MALT1: variants seen among roughly 807,000 people sequenced by gnomAD.
MALT1 encodes the protein MALT1 paracaspase, also known as mucosa-associated lymphoid tissue lymphoma translocation protein 1.
MALT1 carries 36 observed loss-of-function variants against 85.5 expected under a neutral mutation model. That is an observed-to-expected ratio of 0.42 (90% CI 0.32 to 0.56). The LOEUF is 0.56. Among genes scored for constraint, MALT1 ranks in the 20% least tolerant of loss-of-function variants. The probability of loss-of-function intolerance (pLI) is 0.10; values close to 1 mark genes in which losing one functional copy is unlikely to be tolerated. For synonymous variants in MALT1, 359 were observed against 361.3 expected, an observed-to-expected ratio of 0.99 and a Z score of 0.07; for missense variants, 716 against 981.6, an observed-to-expected ratio of 0.73 and a Z score of 3.62.
intron 2 of MALT1, chr18:58,690,495 G>T: frequency 5.8e-6 from 1 of 173,596 alleles, no homozygotes; most frequent in South Asian, 1.6e-4. Flanking sequence ...CCCCTGGATG[G>T]AGTGTACGAG....
intron 10 of MALT1, among the ~76,000 whole-genome samples, chr18:58,731,332 A>G (rs530718076): frequency 1.3e-5 from 2 of 152,212 alleles, no homozygotes; most frequent in South Asian, 2.1e-4. Context: ...ATGATTTGCA[A>G]ATATTTTCTC....
intron 10 of MALT1, among the ~76,000 whole-genome samples, chr18:58,728,006 C>T (rs182416533): frequency 2.5e-4 from 38 of 152,178 alleles, no homozygotes; most frequent in African/African-American, 8.7e-4. Context: ...GCTGGGGTGG[C>T]GGGTGTTGTG....
intron 2 of MALT1, chr18:58,690,642 C>T: frequency 6.1e-6 from 1 of 163,940 alleles, no homozygotes; most frequent in South Asian, 1.8e-4. Flanking sequence ...CCCTGGGACC[C>T]TGGCTCGAAG....
Position 58,752,718 on chromosome 18 carries a change from T to C in MALT1, c.*4876T>C, listed in dbSNP as rs1259551392. 1 of 152,182 alleles carries C rather than the reference T, an allele frequency of 6.6e-6. No homozygotes were observed. Among genetic ancestry groups the C allele is most frequent in the Admixed American group, 6.5e-5 (1 of 15,278 alleles). 9.4% of individuals were successfully genotyped at this position (152,182 alleles called of 1,614,324 possible). A position where few individuals can be genotyped will look rare whatever the true frequency, so the allele number is the denominator to read the frequency against. ...AGGAGGCTGAAGTGGGACGATCGCT[T>C]GAGCCCAGAAGGCAGAGGTTACGGT... On this transcript the variant is annotated 3_prime_UTR_variant, in exon 17 of 17. Coordinates refer to ENST00000649217, the MANE Select transcript of MALT1 (RefSeq NM_006785.4).
chr18:58,722,125 T>G (rs1380748464), intron 9 of MALT1, among the ~76,000 whole-genome samples: 2 of 151,838 alleles, frequency 1.3e-5, no homozygotes, highest in Non-Finnish European at 2.9e-5. Flanking sequence ...TTTTTTATTT[T>G]TTTCTTCCCT....
intron 1 of MALT1, among the ~76,000 whole-genome samples, chr18:58,676,303 G>A (rs1256230235): frequency 6.6e-6 from 1 of 152,072 alleles, no homozygotes; most frequent in South Asian, 2.1e-4. Flanking sequence ...GGCCAGGGTG[G>A]GAGGATTACT....
rs2055181516 is a variant in MALT1 at position 58,733,447 on chromosome 18, A to G, written c.1273A>G (p.Met425Val). The G allele has an allele frequency of 6.8e-6, 11 of 1,613,510 alleles. No homozygotes were observed. The highest frequency in any genetic ancestry group is 1.3e-5 in the African/African-American group (1 of 75,020). The change falls in exon 11 of 17, where the codon ATG becomes GTG. Residue 425 changes from methionine (M) to valine (V), a missense_variant. Physicochemically the swap from Met to Val is conservative, Grantham distance 21 (BLOSUM62 1). Transcript: ENST00000649217. ...TTATGAAAATTTTGGGAACAGCTTC[A>G]TGGTCCCCGTTGATGCTCCAAATCC... ...HGYENFGNSF[M>V]VPVDAPNPYR...
intron 2 of MALT1, among the ~76,000 whole-genome samples, chr18:58,683,202 C>T (rs570743460): frequency 1.3e-5 from 2 of 152,272 alleles, no homozygotes; most frequent in Non-Finnish European, 2.9e-5. Context: ...AGTCTCATAC[C>T]TAGTAAAGTC....
chr18:58,677,607 T>C (rs2054260311), intron 1 of MALT1: 1 of 152,210 alleles, frequency 6.6e-6, no homozygotes, highest in Non-Finnish European at 1.5e-5. Context: ...TCTGTCATCA[T>C]AGTCACCATT....
intron 2 of MALT1, among the ~76,000 whole-genome samples, chr18:58,684,794 GAGA>G (rs953242518): frequency 2.4e-4 from 37 of 152,226 alleles, no homozygotes; most frequent in African/African-American, 8.7e-4. Context: ...AAGAATTACA[GAGA>G]AGAATTTTAA....
At chr18:58,739,333 G>A (rs181631912) in intron 13 of MALT1, among the ~76,000 whole-genome samples, 2 of 152,170 alleles carry the variant, frequency 1.3e-5, no homozygotes, top group Admixed American at 6.5e-5. Flanking sequence ...AGTATTTAGT[G>A]GTATCAGTGT....
chr18:58,735,692 G>T (rs1318658826), intron 13 of MALT1, among the ~76,000 whole-genome samples: 1 of 152,042 alleles, frequency 6.6e-6, no homozygotes, highest in South Asian at 2.1e-4. Flanking sequence ...GGCATGGAGG[G>T]GTGGTGGGGA....
At chr18:58,699,753 G>A (rs2054644629) in intron 3 of MALT1, among the ~76,000 whole-genome samples, 1 of 152,208 alleles carries the variant, frequency 6.6e-6, no homozygotes, top group African/African-American at 2.4e-5. Flanking sequence ...TAAGCCCCTT[G>A]GCAATGTGCC....
Position 58,681,187 on chromosome 18 carries a change from A to G in MALT1, c.227A>G (p.Gln76Arg). The change falls in exon 2 of 17, where the codon CAG becomes CGG. Residue 76 changes from glutamine (Q) to arginine (R), a missense_variant. Gln to Arg is a conservative substitution (Grantham distance 43, BLOSUM62 1). Transcript: ENST00000649217. ...RLRLSCLDLE[Q>R]CSLKVLEPEG... ...GCTTTCAGTTGCCTAGACCTGGAGC[A>G]GTGTTCTCTTAAGGTACTGGAGCCT... is the stretch of plus-strand genomic sequence containing the variant. 1 of 1,613,798 alleles carries G rather than the reference A, an allele frequency of 6.2e-7. No individual in the cohort carries two copies. The highest frequency in any genetic ancestry group is 1.1e-5 in the South Asian group (1 of 90,988).
At chr18:58,686,987 G>C (rs977799145) in intron 2 of MALT1, among the ~76,000 whole-genome samples, 2 of 152,146 alleles carry the variant, frequency 1.3e-5, no homozygotes, top group African/African-American at 4.8e-5. Flanking sequence ...ACCCTGACCT[G>C]AACTCAATAC....
Position 58,709,474 on chromosome 18 carries a change from T to C in MALT1, c.746T>C (p.Val249Ala). 1.9e-6 allele frequency: 3 copies of C among 1,613,396 alleles called. No individual in the cohort carries two copies. Among genetic ancestry groups the C allele is most frequent in the Non-Finnish European group, 2.5e-6 (3 of 1,179,570 alleles). Residue 249 changes from valine (V) to alanine (A), a missense_variant, in exon 5 of 17, where the codon GTT (valine) becomes GCT (alanine). Val to Ala is a moderately conservative substitution (Grantham distance 64). This residue lies in a region of MALT1 where 290 missense variants were observed against 380.5 expected (regional missense o/e 0.76). Coordinates refer to ENST00000649217, the MANE Select transcript of MALT1 (RefSeq NM_006785.4). Reference sequence around the variant, plus strand: ...GGCAGCACATTGGTTTTACAGTGTGTTGCTGTTGGAAGCCCTATTCCTCAC... The same window carrying C: ...GGCAGCACATTGGTTTTACAGTGTGCTGCTGTTGGAAGCCCTATTCCTCAC... ...MPGSTLVLQCVAVGSPIPHYQ... is the reference protein window; with the variant it reads ...MPGSTLVLQCAAVGSPIPHYQ...
Position 58,671,585 on chromosome 18 carries a change from C to T in MALT1, c.-59C>T. On this transcript the variant is annotated 5_prime_UTR_variant, in exon 1 of 17. Coordinates refer to ENST00000649217, the MANE Select transcript of MALT1 (RefSeq NM_006785.4). ...GAGGCGAGCGGAAGGTGCCCCGGGG[C>T]CGAGGCCCGTGACGGGGCGGGCGGG... is the stretch of plus-strand genomic sequence containing the variant. The T allele has an allele frequency of 8.8e-7, 1 of 1,130,510 alleles. No homozygotes were observed. The allele number at this position is 1,130,510 out of a possible 1,614,324, so 70.0% of individuals were successfully genotyped here. A position where few individuals can be genotyped will look rare whatever the true frequency, so the allele number is the denominator to read the frequency against.
At chr18:58,723,003 A>C (rs1395615924) in intron 9 of MALT1, 45 bp from the exon 10 acceptor site, 2 of 1,421,416 alleles carry the variant, frequency 1.4e-6, no homozygotes, top group Non-Finnish European at 2.0e-6. Context: ...TTTTGTTTTA[A>C]TCTTTATATC....
chr18:58,713,495 T>C (rs1319860050), intron 7 of MALT1, among the ~76,000 whole-genome samples: 1 of 151,432 alleles, frequency 6.6e-6, no homozygotes, highest in African/African-American at 2.4e-5. Flanking sequence ...AAGGAACACC[T>C]GAGCAGGTGT....
Sources: gnomAD v4.1 joint callset for allele counts (sites outside exome capture counted in the v4.1 genomes callset) on GRCh38, gnomAD v4.1.1 for gene constraint, gnomAD v4.1.1 regional missense constraint, MANE v1.5 for transcripts, NCBI Gene and HGNC (gene_info 2026-07-23, HGNC 2026-07-21) for gene names.